Variants in MBOAT1 observed in about 807,000 individuals in gnomAD.
The protein encoded by MBOAT1 is membrane bound glycerophospholipid O-acyltransferase 1, also known as membrane-bound glycerophospholipid O-acyltransferase 1.
In MBOAT1, 67 loss-of-function variants were observed where a neutral mutation model predicts 64.4. The ratio of observed to expected loss-of-function variants is 1.04; its 90% CI spans 0.85 to 1.27. MBOAT1 has a LOEUF of 1.27. MBOAT1 is among the 50% of genes most tolerant of loss of function. The pLI is 0.00. For synonymous variants in MBOAT1, 229 were observed against 218.9 expected, an observed-to-expected ratio of 1.05 and a Z score of -0.41; for missense variants, 563 against 604.6, an observed-to-expected ratio of 0.93 and a Z score of 0.72.
chr6:20,191,792 A>G (rs1762809285), intron 1 of MBOAT1, among the ~76,000 whole-genome samples: 1 of 152,228 alleles, frequency 6.6e-6, no homozygotes, highest in Non-Finnish European at 1.5e-5. Context: ...TTTTATAGCT[A>G]TATTATTATA....
At chr6:20,210,023 A>C (rs1763375440) in intron 1 of MBOAT1, among the ~76,000 whole-genome samples, 1 of 152,038 alleles carries the variant, frequency 6.6e-6, no homozygotes, top group Admixed American at 6.6e-5. Flanking sequence ...ATTCCCTTAA[A>C]CTTGCCCATA....
intron 7 of MBOAT1, 32 bp from the exon 8 acceptor site, chr6:20,124,632 C>A (rs1257064853): frequency 1.2e-6 from 2 of 1,604,600 alleles, no homozygotes; most frequent in Non-Finnish European, 1.7e-6. Flanking sequence ...TGTCACCGTG[C>A]AGAAGGCTCA....
At chr6:20,187,865 G>A (rs776476869) in intron 1 of MBOAT1, among the ~76,000 whole-genome samples, 9 of 152,146 alleles carry the variant, frequency 5.9e-5, no homozygotes, top group African/African-American at 2.4e-5. Flanking sequence ...GGTGGCAAAT[G>A]CCTGCAATCC....
chr6:20,194,365 C>A (rs1762894178), intron 1 of MBOAT1, among the ~76,000 whole-genome samples: 1 of 152,190 alleles, frequency 6.6e-6, no homozygotes, highest in African/African-American at 2.4e-5. Flanking sequence ...CACCATATTG[C>A]ATTTACATGT....
chr6:20,203,800 T>TAA lies in MBOAT1; in HGVS notation c.99+8334_99+8335dup, dbSNP rs59442669. ...CAAACAACTTTACAATGGGCCCGTT[T>TAA]AAAAAAAAAAAAAAAATAGGAGATT... is the stretch of plus-strand genomic sequence containing the variant. On this transcript the variant is annotated intron_variant, in intron 1 of 12. Coordinates refer to ENST00000324607, the MANE Select transcript of MBOAT1 (RefSeq NM_001080480.3). Among the ~76,000 whole-genome samples the TAA allele has an allele frequency of 1.8e-3, 247 of 139,726 alleles. 2 individuals carry two copies. The highest frequency in any genetic ancestry group is 5.9e-3 in the African/African-American group (225 of 38,420). The allele number at this position is 139,726 out of a possible 152,430, so 91.7% of individuals were successfully genotyped here. A position where few individuals can be genotyped will look rare whatever the true frequency, so the allele number is the denominator to read the frequency against.
intron 8 of MBOAT1, among the ~76,000 whole-genome samples, chr6:20,122,545 C>G (rs1028738465): frequency 1.3e-5 from 2 of 152,156 alleles, no homozygotes; most frequent in African/African-American, 4.8e-5. Flanking sequence ...GTAAATTTTA[C>G]AAAAGCTCTA....
intron 1 of MBOAT1, 143 bp downstream of exon 1, chr6:20,211,993 C>CACACACAT: frequency 1.5e-6 from 1 of 662,936 alleles, no homozygotes; most frequent in Non-Finnish European, 2.6e-6. Context: ...CACACACACA[C>CACACACAT]ACACACACAC....
At chr6:20,141,359 C>CTTTTTTTTTTTTTTTTTTTTTT (rs755615744) in intron 4 of MBOAT1, among the ~76,000 whole-genome samples, 1 of 99,810 alleles carries the variant, frequency 1.0e-5, no homozygotes, top group African/African-American at 3.3e-5. Context: ...TTTTCTTTTT[C>CTTTTTTTTTTTTTTTTTTTTTT]TTTTTTTTTT....
chr6:20,151,396 A>G, intron 2 of MBOAT1, 134 bp from the exon 3 acceptor site: 2 of 589,380 alleles, frequency 3.4e-6, no homozygotes, highest in East Asian at 5.7e-5. Context: ...ACTCATGTTT[A>G]TGTGAGAGAA....
intron 10 of MBOAT1, 43 bp from the exon 11 acceptor site, chr6:20,113,051 G>A (rs1760219278): frequency 6.3e-7 from 1 of 1,596,630 alleles, no homozygotes; most frequent in Admixed American, 1.8e-5. Flanking sequence ...AAACATACCA[G>A]AAACTTCTAA....
intron 1 of MBOAT1, among the ~76,000 whole-genome samples, chr6:20,163,806 T>C (rs560897819): frequency 1.3e-5 from 2 of 151,730 alleles, no homozygotes; most frequent in Admixed American, 6.6e-5. Flanking sequence ...TGGGAGAAAA[T>C]TGGGGTACAG....
chr6:20,119,849 T>G (rs1024115596), intron 8 of MBOAT1, among the ~76,000 whole-genome samples: 15 of 152,158 alleles, frequency 9.9e-5, no homozygotes, highest in Non-Finnish European at 1.2e-4. Context: ...AGGTCTGTGT[T>G]GAGAACTAAA....
chr6:20,104,910 C>T (rs1267934518), intron 12 of MBOAT1, among the ~76,000 whole-genome samples: 1 of 152,216 alleles, frequency 6.6e-6, no homozygotes, highest in Non-Finnish European at 1.5e-5. Flanking sequence ...TACAAAAAGG[C>T]ATCAGCCTCC....
chr6:20,154,632 T>A (rs1272900061), intron 1 of MBOAT1, among the ~76,000 whole-genome samples: 2 of 152,252 alleles, frequency 1.3e-5, no homozygotes, highest in Non-Finnish European at 2.9e-5. Context: ...ACTGCCCACC[T>A]TCACTTTCTA....
At chr6:20,111,835 C>CATATATATACGTATATATATAT in intron 11 of MBOAT1, among the ~76,000 whole-genome samples, 8 of 86,792 alleles carry the variant, frequency 9.2e-5, no homozygotes, top group African/African-American at 3.3e-4. Flanking sequence ...CATATATATA[C>CATATATATACGTATATATATAT]ACATATATAT....
intron 7 of MBOAT1, 96 bp from the exon 8 acceptor site, chr6:20,124,696 C>T (rs1333245795): frequency 7.2e-6 from 8 of 1,115,444 alleles, no homozygotes; most frequent in Non-Finnish European, 1.0e-5. Context: ...GTTGCTCCAA[C>T]AGCTGCTTGG....
intron 12 of MBOAT1, among the ~76,000 whole-genome samples, chr6:20,107,950 A>C (rs1419737775): frequency 4.6e-5 from 7 of 152,182 alleles, no homozygotes; most frequent in Non-Finnish European, 1.0e-4. Context: ...AGAGGACAAA[A>C]GGGCAAATGT....
At chr6:20,104,913 C>T (rs1462668450) in intron 12 of MBOAT1, among the ~76,000 whole-genome samples, 1 of 152,214 alleles carries the variant, frequency 6.6e-6, no homozygotes, top group Non-Finnish European at 1.5e-5. Context: ...AAAAAGGCAT[C>T]AGCCTCCACC....
intron 5 of MBOAT1, among the ~76,000 whole-genome samples, chr6:20,130,865 A>G (rs1297659885): frequency 1.3e-5 from 2 of 152,234 alleles, no homozygotes; most frequent in Non-Finnish European, 2.9e-5. Context: ...AGAGTGTCAC[A>G]AATTAACTTA....
Sources: gnomAD v4.1 joint callset for allele counts (sites outside exome capture counted in the v4.1 genomes callset) on GRCh38, gnomAD v4.1.1 for gene constraint, MANE v1.5 for transcripts, NCBI Gene and HGNC (gene_info 2026-07-23, HGNC 2026-07-21) for gene names.